The following NR3C2 variants were observed in gnomAD, a reference collection of about 807,000 sequenced individuals.
NR3C2 encodes the protein mineralocorticoid receptor.
Under a neutral mutation model 86.4 loss-of-function variants are expected in NR3C2, and 15 were observed. The observed-to-expected ratio is 0.17, with a 90% CI of 0.12 to 0.27. The LOEUF is 0.27. NR3C2 is among the 10% of genes least tolerant of loss of function. The pLI is 1.00. For missense variants in NR3C2, 960 were observed against 1,195.6 expected (o/e 0.80, Z 2.91); for synonymous variants, 458 against 450.5 (o/e 1.02, Z -0.21).
chr4:148,399,031 G>A (rs1748007726), intron 2 of NR3C2, among the ~76,000 whole-genome samples: 3 of 152,178 alleles, frequency 2.0e-5, no homozygotes, highest in Non-Finnish European at 2.9e-5. Context: ...TATTTAGGAT[G>A]GCACAGACAA....
At position 148,100,271 on chromosome 4, in the gene NR3C2, A is replaced by T. The variant is rs545067228; in HGVS notation, c.2799+13833T>A. Among the ~76,000 whole-genome samples the T allele has an allele frequency of 7.7e-4, 117 of 152,322 alleles. No individual in the cohort carries two copies. The South Asian group carries it at 0.024, about 31-fold the overall frequency. ...AAAGACGATCTTGGCACCAAAACAA[A>T]CGAAGTGAAAACAAACAAAAACAGA... On this transcript the variant is annotated intron_variant, in intron 8 of 8. Transcript: ENST00000358102.
chr4:148,264,204 T>C (rs1250127279), intron 2 of NR3C2, among the ~76,000 whole-genome samples: 1 of 152,220 alleles, frequency 6.6e-6, no homozygotes. Flanking sequence ...ATATGCATTA[T>C]TAACACAAGA....
chr4:148,216,413 C>A (rs113352446), intron 3 of NR3C2, among the ~76,000 whole-genome samples: 9 of 152,224 alleles, frequency 5.9e-5, no homozygotes, highest in African/African-American at 2.2e-4. Context: ...CTTAGCATCT[C>A]CATTTTACGT....
chr4:148,178,574 C>A (rs1056267671), intron 4 of NR3C2, among the ~76,000 whole-genome samples: 2 of 151,622 alleles, frequency 1.3e-5, no homozygotes, highest in Non-Finnish European at 1.5e-5. Context: ...TTGTTACAGT[C>A]ACAGTTCCTT....
At chr4:148,103,790 C>T (rs577732824) in intron 8 of NR3C2, among the ~76,000 whole-genome samples, 1 of 152,158 alleles carries the variant, frequency 6.6e-6, no homozygotes, top group Non-Finnish European at 1.5e-5. Context: ...CTTTCTACCT[C>T]TACGCGGAGT....
chr4:148,413,219 C>T (rs1237018133), intron 2 of NR3C2, among the ~76,000 whole-genome samples: 1 of 152,090 alleles, frequency 6.6e-6, no homozygotes, highest in Non-Finnish European at 1.5e-5. Context: ...TGTTCTTAGC[C>T]TCTTAAATAT....
chr4:148,133,767 G>A (rs1380455201), intron 6 of NR3C2, among the ~76,000 whole-genome samples: 1 of 152,220 alleles, frequency 6.6e-6, no homozygotes, highest in African/African-American at 2.4e-5. Flanking sequence ...CCTCCAAGGC[G>A]ACAGCAGAGA....
intron 3 of NR3C2, among the ~76,000 whole-genome samples, chr4:148,234,736 A>C (rs1475358610): frequency 6.6e-6 from 1 of 151,438 alleles, no homozygotes; most frequent in Non-Finnish European, 1.5e-5. Context: ...ATTCTGCTGA[A>C]GGCCAATACA....
At chr4:148,145,651 C>A (rs942480441) in intron 6 of NR3C2, among the ~76,000 whole-genome samples, 2 of 152,160 alleles carry the variant, frequency 1.3e-5, no homozygotes, top group South Asian at 2.1e-4. Flanking sequence ...ACAGTGAGAC[C>A]GGCAGCACTT....
intron 2 of NR3C2, among the ~76,000 whole-genome samples, chr4:148,333,551 G>A (rs1459122916): frequency 7.1e-6 from 1 of 141,820 alleles, no homozygotes; most frequent in Non-Finnish European, 1.5e-5. Flanking sequence ...TCTCCCTAGT[G>A]ATTGGAGAAT....
chr4:148,198,786 A>G (rs1295483149), intron 3 of NR3C2, among the ~76,000 whole-genome samples: 1 of 148,942 alleles, frequency 6.7e-6, no homozygotes, highest in East Asian at 2.0e-4. Flanking sequence ...TAGCTCACTT[A>G]AAAAAAAAAT....
intron 2 of NR3C2, among the ~76,000 whole-genome samples, chr4:148,299,007 G>GA (rs1266249511): frequency 6.6e-6 from 1 of 152,236 alleles, no homozygotes; most frequent in Non-Finnish European, 1.5e-5. Context: ...ATGCAAGGGG[G>GA]AAGAGTCTGG....
intron 2 of NR3C2, among the ~76,000 whole-genome samples, chr4:148,279,913 C>T (rs767296810): frequency 7.9e-5 from 12 of 151,922 alleles, no homozygotes; most frequent in Non-Finnish European, 1.3e-4. Flanking sequence ...TTAGTAGAGA[C>T]GGGGTTTCAC....
intron 2 of NR3C2, among the ~76,000 whole-genome samples, chr4:148,319,682 T>C (rs1262086453): frequency 1.3e-5 from 2 of 151,176 alleles, no homozygotes; most frequent in African/African-American, 4.9e-5. Flanking sequence ...TCTGTTTGTC[T>C]GTTGTTGGTG....
chr4:148,381,495 A>T (rs141881403), intron 2 of NR3C2, among the ~76,000 whole-genome samples: 166 of 152,284 alleles, frequency 1.1e-3, no homozygotes, highest in African/African-American at 3.8e-3. Context: ...ATTCAGAAAC[A>T]TTTCATTATT....
intron 4 of NR3C2, among the ~76,000 whole-genome samples, chr4:148,160,574 G>A (rs1203692148): frequency 6.6e-6 from 1 of 152,036 alleles, no homozygotes; most frequent in African/African-American, 2.4e-5. Flanking sequence ...GTAGAATATG[G>A]AATCTTGTTC....
At chr4:148,406,027 GCAATGGTAC>G (rs1362614432) in intron 2 of NR3C2, among the ~76,000 whole-genome samples, 1 of 152,112 alleles carries the variant, frequency 6.6e-6, no homozygotes, top group African/African-American at 2.4e-5. Context: ...TTAGCCAGGT[GCAATGGTAC>G]CTTCCTGCAG....
Position 148,186,050 on chromosome 4 carries a change from A to G in NR3C2, c.2014+8696T>C, listed in dbSNP as rs143433006. ...TATTGAAATAGCCAAATTGCTCTCCATAGGGGTTGTACCAATTTATTCTCC... is the reference window on the plus strand; with the variant it reads ...TATTGAAATAGCCAAATTGCTCTCCGTAGGGGTTGTACCAATTTATTCTCC... On this transcript the variant is annotated intron_variant, in intron 4 of 8. Coordinates refer to ENST00000358102, the MANE Select transcript of NR3C2 (RefSeq NM_000901.5). 9.8e-5 allele frequency among the ~76,000 whole-genome samples: 15 copies of G among 152,310 alleles called. No individual in the cohort carries two copies. The East Asian group carries it at 2.9e-3, about 29-fold the overall frequency.
chr4:148,392,886 T>C (rs1345083105), intron 2 of NR3C2, among the ~76,000 whole-genome samples: 1 of 152,174 alleles, frequency 6.6e-6, no homozygotes, highest in Non-Finnish European at 1.5e-5. Flanking sequence ...GTATCTTTCA[T>C]AGGTAGTCAG....
Sources: allele counts gnomAD v4.1 joint callset (sites outside exome capture counted in the v4.1 genomes callset), GRCh38; gene constraint gnomAD v4.1.1; transcripts MANE v1.5; gene names NCBI Gene and HGNC (gene_info 2026-07-23, HGNC 2026-07-21).